The following GPC4 variants were observed in gnomAD, a reference collection of about 807,000 sequenced individuals.
The protein encoded by GPC4 is glypican-4.
Under a neutral mutation model 35.0 loss-of-function variants are expected in GPC4, and 10 were observed. The ratio of observed to expected loss-of-function variants is 0.29; its 90% CI spans 0.18 to 0.48. The LOEUF is 0.48. Ranked by LOEUF, GPC4 falls within the 20% of genes least tolerant of loss-of-function variation. The pLI is 0.99. For synonymous variants in GPC4, 167 were observed against 170.2 expected (o/e 0.98, Z 0.15); for missense variants, 322 against 451.3 (o/e 0.71, Z 2.60).
chrX:133,343,052 C>T (rs749122989), intron 1 of GPC4, among the ~76,000 whole-genome samples: 6 of 111,207 alleles, frequency 5.4e-5, no homozygotes, highest in Non-Finnish European at 9.4e-5. Flanking sequence ...GAGCTGAACA[C>T]GAGGACAACA....
At chrX:133,336,190 A>C (rs1603069724) in intron 2 of GPC4, among the ~76,000 whole-genome samples, 1 of 111,731 alleles carries the variant, frequency 9.0e-6, no homozygotes, top group Admixed American at 9.5e-5. Context: ...ATGCCCTTGG[A>C]TCGGCAGGCA....
intron 3 of GPC4, among the ~76,000 whole-genome samples, chrX:133,311,841 C>T (rs910378931): frequency 8.9e-6 from 1 of 111,894 alleles, no homozygotes; most frequent in Non-Finnish European, 1.9e-5. Flanking sequence ...CCTCAACCAT[C>T]AGTGTTTGTC....
chrX:133,304,848 T>C lies in GPC4; in HGVS notation c.1169A>G (p.Lys390Arg), dbSNP rs752793272. The change falls in exon 7 of 9, where the codon AAG (lysine) becomes AGG (arginine). Residue 390 changes from lysine (K) to arginine (R), a missense_variant. By Grantham distance (26) the Lys-to-Arg change is conservative (BLOSUM62 2). Around this residue, in one of 3 missense-constraint regions of GPC4, gnomAD observed 163 missense variants for 277.2 expected, o/e 0.59. Transcript: ENST00000370828. ...TTTCTTGGCCTGTTTCAGTTTCTCCTTGACATCAGTAACCTAATTATGAAA... is the reference window on the plus strand; with the variant it reads ...TTTCTTGGCCTGTTTCAGTTTCTCCCTGACATCAGTAACCTAATTATGAAA... ...TSLDRLVTDV[K>R]EKLKQAKKFW... The C allele has an allele frequency of 8.3e-7, 1 of 1,208,647 alleles. No individual in the cohort carries two copies. Among genetic ancestry groups the C allele is most frequent in the East Asian group, 3.0e-5 (1 of 33,757 alleles).
chrX:133,339,434 G>T, intron 1 of GPC4, 93 bp from the exon 2 acceptor site: 1 of 827,208 alleles, frequency 1.2e-6, no homozygotes, highest in Non-Finnish European at 1.7e-6. Context: ...AACCTGTGAG[G>T]CTCCTGCAAA....
intron 1 of GPC4, among the ~76,000 whole-genome samples, chrX:133,340,685 G>A (rs1376497478): frequency 8.9e-6 from 1 of 112,422 alleles, no homozygotes; most frequent in East Asian, 2.8e-4. Context: ...TATCAAAGCA[G>A]CTTTAGGGTA....
intron 2 of GPC4, among the ~76,000 whole-genome samples, chrX:133,328,333 G>A (rs2068403771): frequency 9.0e-6 from 1 of 111,023 alleles, no homozygotes; most frequent in South Asian, 3.8e-4. Flanking sequence ...CATAAGGATG[G>A]CAGACATCAT....
intron 1 of GPC4, among the ~76,000 whole-genome samples, chrX:133,353,978 A>G (rs1014308918): frequency 8.9e-6 from 1 of 112,098 alleles, no homozygotes; most frequent in Non-Finnish European, 1.9e-5. Context: ...AAAGTCTTTG[A>G]TGTGATAGCA....
chrX:133,329,248 G>A (rs748427932), intron 2 of GPC4, among the ~76,000 whole-genome samples: 19 of 112,129 alleles, frequency 1.7e-4, no homozygotes, highest in Non-Finnish European at 2.6e-4. Flanking sequence ...TATGGATAAT[G>A]CTTGGCATAA....
chrX:133,308,155 C>T (rs1000701809), intron 4 of GPC4, among the ~76,000 whole-genome samples: 1 of 112,106 alleles, frequency 8.9e-6, no homozygotes, highest in African/African-American at 3.2e-5. Context: ...CAGCAGCCAG[C>T]CCTGATAAGA....
intron 4 of GPC4, among the ~76,000 whole-genome samples, chrX:133,308,701 G>A (rs1233092807): frequency 9.0e-6 from 1 of 111,076 alleles, no homozygotes; most frequent in African/African-American, 3.3e-5. Context: ...GTCTCTTAAA[G>A]GGTCTAGTCC....
chrX:133,338,198 C>T (rs1211715853), intron 2 of GPC4, among the ~76,000 whole-genome samples: 1 of 111,629 alleles, frequency 9.0e-6, no homozygotes, highest in Non-Finnish European at 1.9e-5. Flanking sequence ...GTCTAACTTT[C>T]TCACCATGGT....
At chrX:133,368,960 T>C (rs2068601197) in intron 1 of GPC4, among the ~76,000 whole-genome samples, 1 of 111,794 alleles carries the variant, frequency 8.9e-6, no homozygotes, top group African/African-American at 3.3e-5. Flanking sequence ...AACATTATTT[T>C]TATACTTTGA....
At chrX:133,358,789 T>C (rs1359850535) in intron 1 of GPC4, among the ~76,000 whole-genome samples, 2 of 111,431 alleles carry the variant, frequency 1.8e-5, no homozygotes, top group African/African-American at 6.5e-5. Flanking sequence ...TTATACTCTC[T>C]TTATGTCTTA....
chrX:133,325,707 T>C (rs1212085627), intron 2 of GPC4, among the ~76,000 whole-genome samples: 1 of 112,080 alleles, frequency 8.9e-6, no homozygotes, highest in African/African-American at 3.2e-5. Flanking sequence ...AAAGAAAATA[T>C]GACACCTACT....
At chrX:133,303,905 G>GGAAGGAAGGAAGGAAC (rs1442625043) in intron 7 of GPC4, among the ~76,000 whole-genome samples, 2 of 91,485 alleles carry the variant, frequency 2.2e-5, no homozygotes, top group African/African-American at 8.3e-5. Flanking sequence ...CTCTGTTGGA[G>GGAAGGAAGGAAGGAAC]GAAGGAAGGA....
intron 1 of GPC4, among the ~76,000 whole-genome samples, chrX:133,343,004 C>T (rs2068473648): frequency 1.8e-5 from 2 of 111,368 alleles, no homozygotes; most frequent in South Asian, 7.6e-4. Flanking sequence ...ATTCTTCTCA[C>T]TGAAGAAAGA....
chrX:133,368,312 T>C (rs2068598673), intron 1 of GPC4, among the ~76,000 whole-genome samples: 2 of 111,726 alleles, frequency 1.8e-5, no homozygotes, highest in Admixed American at 1.9e-4. Context: ...ATTTCAATTA[T>C]GTGGATAGCC....
chrX:133,374,845 G>A (rs1260450643), intron 1 of GPC4, among the ~76,000 whole-genome samples: 2 of 111,999 alleles, frequency 1.8e-5, no homozygotes, highest in Non-Finnish European at 3.8e-5. Context: ...ATATCCAAAC[G>A]CTCCAATTAT....
rs191916084 is a variant in GPC4 at position 133,358,660 on chromosome X, G to A, written c.161-19319C>T. On this transcript the variant is annotated intron_variant, in intron 1 of 8. Transcript: ENST00000370828. Reference sequence around the variant, plus strand: ...TCACATCAAAGGAAGGGAGAACAAAGATGGAAATGACAGCTCTCTGTACCA... The same window carrying A: ...TCACATCAAAGGAAGGGAGAACAAAAATGGAAATGACAGCTCTCTGTACCA... 3.0e-3 allele frequency among the ~76,000 whole-genome samples: 331 copies of A among 112,164 alleles called. 1 individual carries two copies. The highest frequency in any genetic ancestry group is 5.2e-3 in the Non-Finnish European group (279 of 53,213).
Sources: allele counts gnomAD v4.1 joint callset (sites outside exome capture counted in the v4.1 genomes callset), GRCh38; gene constraint gnomAD v4.1.1; regional missense constraint gnomAD v4.1.1; transcripts MANE v1.5; gene names NCBI Gene and HGNC (gene_info 2026-07-23, HGNC 2026-07-21).